Variants in RYR2 observed in about 807,000 individuals in gnomAD.
RYR2 encodes ryanodine receptor 2.
A neutral mutation model predicts 601.1 loss-of-function variants in RYR2; 227 were observed. That is an observed-to-expected ratio of 0.38 (90% CI 0.34 to 0.42). RYR2 has a LOEUF of 0.42. Among genes scored for constraint, RYR2 ranks in the 10% least tolerant of loss-of-function variants. The probability of loss-of-function intolerance (pLI) is 1.00; values close to 1 mark genes in which losing one functional copy is unlikely to be tolerated. For synonymous variants in RYR2, 2,223 were observed against 2,175.1 expected, an observed-to-expected ratio of 1.02 and a Z score of -0.61; for missense variants, 4,646 against 6,156.5, an observed-to-expected ratio of 0.75 and a Z score of 8.21.
chr1:237,250,594 C>G (rs1687357291), intron 1 of RYR2, among the ~76,000 whole-genome samples: 1 of 152,132 alleles, frequency 6.6e-6, no homozygotes, highest in East Asian at 1.9e-4. Flanking sequence ...AGCCCGTCTT[C>G]CCTTCCCATT....
intron 1 of RYR2, among the ~76,000 whole-genome samples, chr1:237,111,772 G>A (rs1199799464): frequency 1.3e-5 from 2 of 152,186 alleles, no homozygotes; most frequent in Non-Finnish European, 2.9e-5. Flanking sequence ...CTGAGATTTG[G>A]AGGTCAGACA....
At chr1:237,439,757 A>G (rs1380449348) in intron 12 of RYR2, among the ~76,000 whole-genome samples, 1 of 152,198 alleles carries the variant, frequency 6.6e-6, no homozygotes, top group African/African-American at 2.4e-5. Context: ...ATTAATGTTT[A>G]CGTGACTTCT....
chr1:237,506,577 G>C, intron 22 of RYR2, 133 bp from the exon 23 acceptor site: 1 of 577,278 alleles, frequency 1.7e-6, no homozygotes, highest in Middle Eastern at 3.9e-4. Flanking sequence ...TGAAATAGAT[G>C]GCTTAGAACT....
intron 17 of RYR2, among the ~76,000 whole-genome samples, chr1:237,483,966 T>C (rs1295000253): frequency 6.6e-6 from 1 of 152,236 alleles, no homozygotes; most frequent in Non-Finnish European, 1.5e-5. Context: ...GTGACTTCTT[T>C]CGCTGATCTG....
chr1:237,726,960 A>C, intron 75 of RYR2, 127 bp from the exon 76 acceptor site: 1 of 585,026 alleles, frequency 1.7e-6, no homozygotes, highest in Non-Finnish European at 3.1e-6. Flanking sequence ...GGAATTCCAA[A>C]TATAGATTAC....
intron 4 of RYR2, among the ~76,000 whole-genome samples, chr1:237,357,707 T>TA (rs1225873049): frequency 6.6e-6 from 1 of 152,196 alleles, no homozygotes; most frequent in African/African-American, 2.4e-5. Flanking sequence ...TTTTCTGAGC[T>TA]AAAAACCTTG....
intron 14 of RYR2, among the ~76,000 whole-genome samples, chr1:237,452,018 T>A (rs1359026454): frequency 6.7e-6 from 1 of 148,830 alleles, no homozygotes; most frequent in Non-Finnish European, 1.5e-5. Context: ...GTGTTTGTGT[T>A]GTCTTCAGGG....
At chr1:237,747,368 T>C (rs1692168608) in intron 80 of RYR2, among the ~76,000 whole-genome samples, 1 of 152,238 alleles carries the variant, frequency 6.6e-6, no homozygotes, top group South Asian at 2.1e-4. Context: ...TTGGTAATTC[T>C]GTAATAAATA....
intron 3 of RYR2, among the ~76,000 whole-genome samples, chr1:237,351,203 T>C (rs1698814184): frequency 6.6e-6 from 1 of 152,104 alleles, no homozygotes; most frequent in South Asian, 2.1e-4. Flanking sequence ...CAGTTAAAAC[T>C]GTGGATACAG....
At chr1:237,071,503 A>C (rs12083306) in intron 1 of RYR2, among the ~76,000 whole-genome samples, 3,034 of 152,020 alleles carry the variant, frequency 0.02, 93 homozygotes, top group African/African-American at 0.069. Flanking sequence ...GGATTACAGG[A>C]ATGAGCCACC....
intron 27 of RYR2, among the ~76,000 whole-genome samples, chr1:237,554,605 G>A (rs995639686): frequency 2.6e-5 from 4 of 151,814 alleles, no homozygotes; most frequent in Non-Finnish European, 5.9e-5. Context: ...GAAACCACGA[G>A]CCTAGAGTTT....
chr1:237,073,080 G>A (rs1174521307), intron 1 of RYR2, among the ~76,000 whole-genome samples: 1 of 152,126 alleles, frequency 6.6e-6, no homozygotes, highest in Non-Finnish European at 1.5e-5. Flanking sequence ...AGGACCTAGT[G>A]TAGAGGACTA....
chr1:237,503,105 GT>G (rs1466534125), intron 21 of RYR2, among the ~76,000 whole-genome samples, 183 bp from the exon 22 acceptor site: 1 of 152,116 alleles, frequency 6.6e-6, no homozygotes, highest in Non-Finnish European at 1.5e-5. Flanking sequence ...ATGTCCTCAT[GT>G]TTTACCTTTT....
At chr1:237,772,158 G>A (rs1694322674) in intron 86 of RYR2, 58 bp downstream of exon 86, 5 of 923,044 alleles carry the variant, frequency 5.4e-6, no homozygotes, top group East Asian at 2.6e-5. Context: ...GAAACAATAC[G>A]GCAGAGTTTT....
intron 58 of RYR2, among the ~76,000 whole-genome samples, chr1:237,673,272 A>G (rs957690673): frequency 6.6e-6 from 1 of 152,178 alleles, no homozygotes; most frequent in African/African-American, 2.4e-5. Context: ...CTGTTTTAAT[A>G]GCATTCTTTG....
intron 1 of RYR2, among the ~76,000 whole-genome samples, chr1:237,248,055 C>A (rs562102721): frequency 6.6e-6 from 1 of 151,958 alleles, no homozygotes; most frequent in African/African-American, 2.4e-5. Flanking sequence ...GGGCAGATCA[C>A]GAGGTCAGAA....
rs979666323 is a variant in RYR2 at position 237,730,181 on chromosome 1, C to G, written c.10839-79C>G. 3 of 777,938 alleles carry G rather than the reference C, an allele frequency of 3.9e-6. No individual in the cohort carries two copies. The African/African-American group carries it at 5.1e-5, about 13-fold the overall frequency. 48.2% of individuals were successfully genotyped at this position (777,938 alleles called of 1,614,324 possible). A position where few individuals can be genotyped will look rare whatever the true frequency, so the allele number is the denominator to read the frequency against. Reference sequence around the variant, plus strand: ...TTTACACTTTCAGTGCACAGATAATCTAGTAATAAAGCACTACTCAATACA... The same window carrying G: ...TTTACACTTTCAGTGCACAGATAATGTAGTAATAAAGCACTACTCAATACA... On this transcript the variant is annotated intron_variant, in intron 76 of 104. Transcript: ENST00000366574.
chr1:237,454,256 G>T, intron 14 of RYR2, 135 bp from the exon 15 acceptor site: 1 of 817,516 alleles, frequency 1.2e-6, no homozygotes, highest in Non-Finnish European at 1.8e-6. Flanking sequence ...TGCTTTTGGA[G>T]CAGGAGGACC....
At chr1:237,575,515 G>A (rs1238728461) in intron 29 of RYR2, among the ~76,000 whole-genome samples, 1 of 152,092 alleles carries the variant, frequency 6.6e-6, no homozygotes, top group Non-Finnish European at 1.5e-5. Context: ...GGGTAATAGA[G>A]GCCTGAGATC....
Sources: allele counts gnomAD v4.1 joint callset (sites outside exome capture counted in the v4.1 genomes callset), GRCh38; gene constraint gnomAD v4.1.1; transcripts MANE v1.5; gene names NCBI Gene and HGNC (gene_info 2026-07-23, HGNC 2026-07-21).